The following KAZN variants were observed in gnomAD, a reference collection of about 807,000 sequenced individuals.
The protein encoded by KAZN is kazrin, periplakin interacting protein, also known as kazrin.
Under a neutral mutation model 87.4 loss-of-function variants are expected in KAZN, and 40 were observed. That is an observed-to-expected ratio of 0.46 (90% CI 0.36 to 0.60). The LOEUF is 0.60. Among genes scored for constraint, KAZN ranks in the 20% least tolerant of loss-of-function variants. The pLI, the probability that KAZN is intolerant of heterozygous loss-of-function variation, is 0.00. For synonymous variants in KAZN, 466 were observed against 458.3 expected (o/e 1.02, Z -0.22); for missense variants, 898 against 1,073.9 (o/e 0.84, Z 2.29).
intron 1 of KAZN, among the ~76,000 whole-genome samples, chr1:14,152,857 T>C (rs1325462673): frequency 6.6e-6 from 1 of 152,236 alleles, no homozygotes; most frequent in East Asian, 1.9e-4. Context: ...CATTTGTTAT[T>C]GCTGGACTTT....
chr1:14,022,692 G>A (rs1400821193), intron 1 of KAZN, among the ~76,000 whole-genome samples: 1 of 152,084 alleles, frequency 6.6e-6, no homozygotes, highest in Non-Finnish European at 1.5e-5. Flanking sequence ...TGTGAACACA[G>A]AGCTGTTCTC....
intron 2 of KAZN, among the ~76,000 whole-genome samples, chr1:14,523,056 A>C (rs1244166192): frequency 6.6e-6 from 1 of 151,954 alleles, no homozygotes; most frequent in Admixed American, 6.6e-5. Context: ...CCATGGAGAC[A>C]CTCATCGTCC....
At chr1:14,967,415 C>T (rs1170094484) in intron 2 of KAZN, among the ~76,000 whole-genome samples, 1 of 152,230 alleles carries the variant, frequency 6.6e-6, no homozygotes, top group Admixed American at 6.5e-5. Flanking sequence ...TCTGGACCAG[C>T]TTCCCTGTCC....
In KAZN at chr1:14,051,788, C is replaced by T. The variant is rs140089943; in HGVS notation, c.92-128647C>T. The stretch of plus-strand genomic sequence containing the variant: ...CCGGGAGGCGGAGGTTGCAATGAGC[C>T]GAGATTGCACCACTTCACTCCAGCC... On this transcript the variant is annotated intron_variant, in intron 1 of 16. Coordinates refer to the KAZN transcript ENST00000636203. Among the ~76,000 whole-genome samples, 429 of 152,118 alleles carry T rather than the reference C, an allele frequency of 2.8e-3. 2 individuals are homozygous for T. The highest frequency in any genetic ancestry group is 9.7e-3 in the African/African-American group (403 of 41,476).
intron 2 of KAZN, among the ~76,000 whole-genome samples, chr1:14,300,391 C>A (rs1316015521): frequency 1.3e-5 from 2 of 151,988 alleles, no homozygotes; most frequent in African/African-American, 4.8e-5. Flanking sequence ...ACTACCATGC[C>A]CTGCTAATTG....
chr1:14,452,816 G>A (rs1667348267), intron 2 of KAZN, among the ~76,000 whole-genome samples: 1 of 152,200 alleles, frequency 6.6e-6, no homozygotes, highest in South Asian at 2.1e-4. Context: ...TTGGGAAATA[G>A]CCGCCTTTCT....
chr1:14,508,096 C>T (rs138063145), intron 2 of KAZN, among the ~76,000 whole-genome samples: 28 of 152,276 alleles, frequency 1.8e-4, no homozygotes, highest in African/African-American at 6.7e-4. Context: ...CACCTGCTTT[C>T]CCATCCTCCT....
Position 14,754,065 on chromosome 1 carries a change from G to A in KAZN, c.226+154842G>A, listed in dbSNP as rs531509249. 5.9e-5 allele frequency among the ~76,000 whole-genome samples: 9 copies of A among 152,328 alleles called. No homozygotes were observed. The East Asian group carries it at 7.7e-4, about 13-fold the overall frequency. ...CCTAACCAGCCTGTGACCAATCGAC[G>A]TAGGCTGTGTACATTTCAGAGAGGG... On this transcript the variant is annotated intron_variant, in intron 1 of 14. Transcript: ENST00000376030.
At chr1:15,067,169 C>T in intron 8 of KAZN, 3 of 985,594 alleles carry the variant, frequency 3.0e-6, no homozygotes, top group Non-Finnish European at 3.6e-6. Flanking sequence ...TTAGGGGAGG[C>T]ACCCACTTCA....
At chr1:14,681,195 G>A (rs761549695) in intron 1 of KAZN, among the ~76,000 whole-genome samples, 10 of 152,268 alleles carry the variant, frequency 6.6e-5, no homozygotes, top group Admixed American at 2.0e-4. Context: ...GGGTTACATC[G>A]CAACATGAGG....
At chr1:14,667,894 G>T (rs1489310083) in intron 1 of KAZN, among the ~76,000 whole-genome samples, 4 of 151,726 alleles carry the variant, frequency 2.6e-5, no homozygotes, top group African/African-American at 9.7e-5. Context: ...GCTCCTTGAA[G>T]CCAAACCGGA....
At chr1:14,708,907 A>T (rs969452103) in intron 1 of KAZN, among the ~76,000 whole-genome samples, 2 of 152,218 alleles carry the variant, frequency 1.3e-5, no homozygotes, top group Admixed American at 1.3e-4. Flanking sequence ...TGAGCTTTAA[A>T]ATAAGCAAGT....
chr1:14,953,875 G>T (rs1043294880), intron 1 of KAZN, among the ~76,000 whole-genome samples: 4 of 152,190 alleles, frequency 2.6e-5, no homozygotes, highest in Non-Finnish European at 4.4e-5. Flanking sequence ...TCCTCCTAAA[G>T]GACTTTTTTC....
chr1:14,700,224 G>A (rs569532298), intron 1 of KAZN, among the ~76,000 whole-genome samples: 5 of 152,278 alleles, frequency 3.3e-5, no homozygotes, highest in South Asian at 4.1e-4. Flanking sequence ...ACTTGCCCAC[G>A]TCATTCTTGA....
rs192982671 is a variant in KAZN, at chr1:14,068,522, G to A, written c.92-111913G>A. Among the ~76,000 whole-genome samples, 416 of 152,192 alleles carry A rather than the reference G, an allele frequency of 2.7e-3. 10 individuals are homozygous for A. In the South Asian group the frequency reaches 0.067, roughly 25 times the overall value. ...ATATGCATTAAAAAAAAATCTCATC[G>A]GGGGATTCTACCATGCAGCCAGGCC... On this transcript the variant is annotated intron_variant, in intron 1 of 16. Coordinates refer to the KAZN transcript ENST00000636203.
intron 1 of KAZN, among the ~76,000 whole-genome samples, chr1:14,178,291 C>T (rs1383862324): frequency 1.3e-5 from 2 of 152,188 alleles, no homozygotes; most frequent in Non-Finnish European, 2.9e-5. Context: ...CAGACTAATA[C>T]AATTTTAGTT....
intron 2 of KAZN, among the ~76,000 whole-genome samples, chr1:14,965,982 C>CTTTTTTTTTTTT (rs71306999): frequency 7.7e-6 from 1 of 129,188 alleles, no homozygotes; most frequent in African/African-American, 3.0e-5. Context: ...CTTTCCTTTT[C>CTTTTTTTTTTTT]TTTTTTTTTT....
intron 1 of KAZN, among the ~76,000 whole-genome samples, chr1:13,949,305 A>C (rs1442295586): frequency 2.3e-5 from 2 of 87,040 alleles, no homozygotes; most frequent in African/African-American, 4.6e-5. Flanking sequence ...ACATCCCATG[A>C]GCTCTTGTAC....
chr1:14,564,382 C>T (rs922777821), intron 2 of KAZN, among the ~76,000 whole-genome samples: 2 of 152,146 alleles, frequency 1.3e-5, no homozygotes, highest in African/African-American at 4.8e-5. Flanking sequence ...CTCAGCCTCA[C>T]CACTCAATAA....
Sources: gnomAD v4.1 joint callset for allele counts (sites outside exome capture counted in the v4.1 genomes callset) on GRCh38, gnomAD v4.1.1 for gene constraint, MANE v1.5 for transcripts, NCBI Gene and HGNC (gene_info 2026-07-23, HGNC 2026-07-21) for gene names.